PIP4P2: variants seen among roughly 807,000 people sequenced by gnomAD.
PIP4P2 encodes type 2 phosphatidylinositol 4,5-bisphosphate 4-phosphatase.
A neutral mutation model predicts 33.3 loss-of-function variants in PIP4P2; 19 were observed. The ratio of observed to expected loss-of-function variants is 0.57; its 90% confidence interval spans 0.40 to 0.84. The LOEUF is 0.84. PIP4P2 is among the 40% of genes least tolerant of loss of function. The pLI is 0.00. For missense variants in PIP4P2, 270 were observed against 324.7 expected, an observed-to-expected ratio of 0.83 and a Z score of 1.29; for synonymous variants, 110 against 111.9, an observed-to-expected ratio of 0.98 and a Z score of 0.11.
intron 4 of PIP4P2, among the ~76,000 whole-genome samples, chr8:91,011,351 C>G (rs551963813): frequency 6.6e-6 from 1 of 152,130 alleles, no homozygotes; most frequent in East Asian, 1.9e-4. Flanking sequence ...ATAGTAAACT[C>G]TGCTGTTCAG....
chr8:91,029,334 T>C (rs1812127598), intron 1 of PIP4P2, among the ~76,000 whole-genome samples: 1 of 151,764 alleles, frequency 6.6e-6, no homozygotes, highest in South Asian at 2.1e-4. Context: ...AATCTAGGAA[T>C]TAAACCATTA....
At chr8:91,002,597 G>A (rs769407107) in intron 5 of PIP4P2, among the ~76,000 whole-genome samples, 1 of 152,166 alleles carries the variant, frequency 6.6e-6, no homozygotes, top group Non-Finnish European at 1.5e-5. Flanking sequence ...CTTAAAATGT[G>A]AATAGATGGG....
At chr8:91,020,950 T>C (rs1351030027) in intron 2 of PIP4P2, among the ~76,000 whole-genome samples, 3 of 152,302 alleles carry the variant, frequency 2.0e-5, no homozygotes, top group Admixed American at 6.5e-5. Flanking sequence ...AGAATGAATG[T>C]AGTTGTGATG....
intron 1 of PIP4P2, among the ~76,000 whole-genome samples, chr8:91,036,162 A>G (rs1812229037): frequency 6.6e-6 from 1 of 152,020 alleles, no homozygotes; most frequent in Non-Finnish European, 1.5e-5. Context: ...GCTATCACCA[A>G]TATGCAAATA....
chr8:91,027,091 A>T (rs1353920727), intron 1 of PIP4P2, among the ~76,000 whole-genome samples: 1 of 152,206 alleles, frequency 6.6e-6, no homozygotes, highest in African/African-American at 2.4e-5. Context: ...ATAAACAAAG[A>T]ATTTATTGCT....
intron 1 of PIP4P2, among the ~76,000 whole-genome samples, chr8:91,025,791 T>A (rs1812074961): frequency 6.6e-6 from 1 of 152,214 alleles, no homozygotes. Context: ...TTTTCCCTAG[T>A]ATCTTTGTGC....
At chr8:91,003,841 G>A (rs564794128) in intron 5 of PIP4P2, among the ~76,000 whole-genome samples, 158 of 152,220 alleles carry the variant, frequency 1.0e-3, no homozygotes, top group Non-Finnish European at 2.1e-3. Context: ...GTTGTGAGAA[G>A]TAGGAGAAAC....
At position 91,034,384 on chromosome 8, in the gene PIP4P2, C is replaced by A. The variant is rs139660347; in HGVS notation, c.106+6260G>T. On this transcript the variant is annotated intron_variant, in intron 1 of 6. Coordinates refer to ENST00000285419, the MANE Select transcript of PIP4P2 (RefSeq NM_018710.3). ...CAGAATAATGACAAAAAGACTACAACAGCAAATGAGCTCACCACCATACTG... is the reference window on the plus strand; with the variant it reads ...CAGAATAATGACAAAAAGACTACAAAAGCAAATGAGCTCACCACCATACTG... Among the ~76,000 whole-genome samples, 235 of 152,290 alleles carry A rather than the reference C, an allele frequency of 1.5e-3. 1 individual carries two copies. Among genetic ancestry groups the A allele is most frequent in the African/African-American group, 5.1e-3 (210 of 41,562 alleles).
intron 1 of PIP4P2, among the ~76,000 whole-genome samples, chr8:91,038,547 C>T (rs1336083687): frequency 6.6e-6 from 1 of 152,056 alleles, no homozygotes; most frequent in African/African-American, 2.4e-5. Context: ...ACAATATAGT[C>T]TTCATGAGGG....
chr8:91,032,578 C>T (rs531903553), intron 1 of PIP4P2, among the ~76,000 whole-genome samples: 9 of 152,004 alleles, frequency 5.9e-5, no homozygotes, highest in Admixed American at 5.2e-4. Flanking sequence ...GTCAGGAGCT[C>T]GAGACCAGCC....
chr8:91,007,316 CAG>C (rs1200485960), intron 5 of PIP4P2, among the ~76,000 whole-genome samples: 2 of 152,158 alleles, frequency 1.3e-5, no homozygotes, highest in Non-Finnish European at 2.9e-5. Flanking sequence ...GTTATTCTTA[CAG>C]AGCTATATTT....
chr8:91,018,158 A>G (rs2130367052), intron 4 of PIP4P2, among the ~76,000 whole-genome samples: 1 of 152,302 alleles, frequency 6.6e-6, no homozygotes, highest in Non-Finnish European at 1.5e-5. Context: ...ATTGGCCTAC[A>G]TAGAGAGGAT....
At chr8:91,035,566 C>G (rs1212748138) in intron 1 of PIP4P2, among the ~76,000 whole-genome samples, 1 of 152,192 alleles carries the variant, frequency 6.6e-6, no homozygotes, top group Non-Finnish European at 1.5e-5. Flanking sequence ...GCTACATTCA[C>G]CTTCCTCTCC....
chr8:91,019,200 A>G (rs1229317577), intron 3 of PIP4P2, among the ~76,000 whole-genome samples: 1 of 152,008 alleles, frequency 6.6e-6, no homozygotes, highest in East Asian at 1.9e-4. Context: ...TATAATATAC[A>G]GTGAGATACA....
At chr8:90,997,935 C>T (rs935996684) in intron 5 of PIP4P2, among the ~76,000 whole-genome samples, 2 of 151,982 alleles carry the variant, frequency 1.3e-5, no homozygotes, top group African/African-American at 2.4e-5. Context: ...AAATATACAT[C>T]GTAAATTTTC....
Position 90,998,999 on chromosome 8 carries a change from G to C in PIP4P2, c.540-2255C>G, listed in dbSNP as rs191913658. On this transcript the variant is annotated intron_variant, in intron 5 of 6. Coordinates refer to ENST00000285419, the MANE Select transcript of PIP4P2 (RefSeq NM_018710.3). The stretch of plus-strand genomic sequence containing the variant: ...GGGTGAACAGACAACCTACAGAATG[G>C]GAGAAAAATTTTGCAAACTATGCAT... 2.8e-3 allele frequency among the ~76,000 whole-genome samples: 419 copies of C among 152,040 alleles called. 3 individuals are homozygous for C. The highest frequency in any genetic ancestry group is 9.5e-3 in the African/African-American group (396 of 41,466).
At chr8:91,033,575 T>G (rs896820122) in intron 1 of PIP4P2, among the ~76,000 whole-genome samples, 2 of 152,150 alleles carry the variant, frequency 1.3e-5, no homozygotes, top group African/African-American at 4.8e-5. Flanking sequence ...AAGGGTGATT[T>G]TTTTAAAAAG....
Position 91,018,395 on chromosome 8 carries a change from A to C in PIP4P2, c.481T>G (p.Phe161Val). The C allele has an allele frequency of 6.2e-7, 1 of 1,614,010 alleles. No individual in the cohort carries two copies. The highest frequency in any genetic ancestry group is 8.5e-7 in the Non-Finnish European group (1 of 1,179,896). ...RVVCGHCGNT[F>V]LWMELRFNTL... is the part of the protein sequence containing the mutation. Reference sequence around the variant, plus strand: ...ACAAATGTCCAGTGACTTACCAGGAATGTGTTTCCACAGTGCCCACACACG... The same window carrying C: ...ACAAATGTCCAGTGACTTACCAGGACTGTGTTTCCACAGTGCCCACACACG... Residue 161 changes from phenylalanine (F) to valine (V), a missense_variant, in exon 4 of 7, where the codon TTC (phenylalanine) becomes GTC (valine). By Grantham distance (50) the Phe-to-Val change is conservative. Coordinates refer to ENST00000285419, the MANE Select transcript of PIP4P2 (RefSeq NM_018710.3).
chr8:91,013,208 C>G (rs1490958846), intron 4 of PIP4P2, among the ~76,000 whole-genome samples: 1 of 152,160 alleles, frequency 6.6e-6, no homozygotes, highest in Non-Finnish European at 1.5e-5. Flanking sequence ...TAGCACCTAG[C>G]TCAGTGCCTG....
Sources: allele counts gnomAD v4.1 joint callset (sites outside exome capture counted in the v4.1 genomes callset), GRCh38; gene constraint gnomAD v4.1.1; transcripts MANE v1.5; gene names NCBI Gene and HGNC (gene_info 2026-07-23, HGNC 2026-07-21).